SLC24A3: variants seen among roughly 807,000 people sequenced by gnomAD.
The protein encoded by SLC24A3 is sodium/potassium/calcium exchanger 3.
In SLC24A3, 28 loss-of-function variants were observed where a neutral mutation model predicts 75.8. The observed-to-expected ratio is 0.37, with a 90% confidence interval of 0.27 to 0.51. The LOEUF (loss-of-function observed/expected upper bound fraction) is 0.51. SLC24A3 is among the 20% of genes least tolerant of loss of function. SLC24A3 has a pLI of 0.94. For synonymous variants in SLC24A3, 372 were observed against 334.1 expected (o/e 1.11, Z -1.24); for missense variants, 663 against 847.8 (o/e 0.78, Z 2.71).
chr20:19,610,184 T>G (rs2031653819), intron 6 of SLC24A3, among the ~76,000 whole-genome samples: 1 of 152,230 alleles, frequency 6.6e-6, no homozygotes, highest in African/African-American at 2.4e-5. Flanking sequence ...ACTTCCTTCT[T>G]ATCATTCTCT....
chr20:19,429,703 C>A (rs1246913096), intron 2 of SLC24A3, among the ~76,000 whole-genome samples: 2 of 152,090 alleles, frequency 1.3e-5, no homozygotes, highest in Non-Finnish European at 2.9e-5. Context: ...TCTGGGCCGG[C>A]CGACTCTATA....
chr20:19,650,287 C>T (rs2032187326), intron 6 of SLC24A3, among the ~76,000 whole-genome samples: 1 of 152,142 alleles, frequency 6.6e-6, no homozygotes, highest in South Asian at 2.1e-4. Context: ...ATATCACTAT[C>T]CACCCACATT....
At chr20:19,347,576 T>A (rs539738132) in intron 2 of SLC24A3, among the ~76,000 whole-genome samples, 4 of 152,244 alleles carry the variant, frequency 2.6e-5, no homozygotes, top group East Asian at 1.9e-4. Flanking sequence ...AAGAAAAAAA[T>A]TATGTAAATT....
At chr20:19,624,163 C>T (rs2031839727) in intron 6 of SLC24A3, among the ~76,000 whole-genome samples, 3 of 152,170 alleles carry the variant, frequency 2.0e-5, no homozygotes, top group Admixed American at 6.5e-5. Context: ...TTACCTGTCA[C>T]CTGCGTTTCT....
chr20:19,383,232 A>G (rs1019832685), intron 2 of SLC24A3, among the ~76,000 whole-genome samples: 1 of 152,172 alleles, frequency 6.6e-6, no homozygotes, highest in African/African-American at 2.4e-5. Flanking sequence ...ATCACTTAAG[A>G]CAGCTGCTAT....
chr20:19,357,291 T>A (rs1223398702), intron 2 of SLC24A3, among the ~76,000 whole-genome samples: 2 of 152,198 alleles, frequency 1.3e-5, no homozygotes, highest in African/African-American at 4.8e-5. Flanking sequence ...CACCTTCGGT[T>A]TGGACTTCTG....
At position 19,559,689 on chromosome 20, in the gene SLC24A3, AT is replaced by A. The variant is rs542935385; in HGVS notation, c.349-20309del. Among the ~76,000 whole-genome samples the A allele has an allele frequency of 2.7e-4, 41 of 152,230 alleles. No homozygotes were observed. In the East Asian group the frequency reaches 7.3e-3, roughly 27 times the overall value. On this transcript the variant is annotated intron_variant, in intron 3 of 16. Coordinates refer to ENST00000328041, the MANE Select transcript of SLC24A3 (RefSeq NM_020689.4). ...CCCTTAACTCTAAATCTAGTAACAG[AT>A]TATCTTCCACCAGTTAAGTGCCCTG...
At chr20:19,593,880 C>T (rs1405613806) in intron 6 of SLC24A3, among the ~76,000 whole-genome samples, 1 of 152,206 alleles carries the variant, frequency 6.6e-6, no homozygotes, top group Non-Finnish European at 1.5e-5. Context: ...TTCTTCCGCA[C>T]TGCTGCAACA....
chr20:19,684,462 C>A, intron 11 of SLC24A3, 126 bp downstream of exon 11: 1 of 1,129,204 alleles, frequency 8.9e-7, no homozygotes, highest in Non-Finnish European at 1.2e-6. Flanking sequence ...ATCCCTCAGC[C>A]ATTTCCTAAT....
intron 2 of SLC24A3, among the ~76,000 whole-genome samples, chr20:19,357,746 G>A (rs1157731770): frequency 1.3e-5 from 2 of 152,182 alleles, no homozygotes; most frequent in Admixed American, 1.3e-4. Context: ...TTGGGGCATG[G>A]CCAGCCCTTG....
At chr20:19,523,469 G>T (rs2030141073) in intron 3 of SLC24A3, among the ~76,000 whole-genome samples, 1 of 152,226 alleles carries the variant, frequency 6.6e-6, no homozygotes. Context: ...AGTAAATTAT[G>T]TTTCCATACA....
chr20:19,417,046 C>T (rs1600472582), intron 2 of SLC24A3, among the ~76,000 whole-genome samples: 1 of 152,008 alleles, frequency 6.6e-6, no homozygotes, highest in Admixed American at 6.6e-5. Flanking sequence ...TGAAGGGTGA[C>T]AGGAAAGACA....
intron 8 of SLC24A3, among the ~76,000 whole-genome samples, chr20:19,668,085 T>TG (rs11479186): frequency 1.3e-5 from 2 of 152,038 alleles, no homozygotes; most frequent in African/African-American, 2.4e-5. Context: ...AGAATTGGCC[T>TG]GGGGGGGCCT....
At chr20:19,679,518 G>C (rs577091180) in intron 9 of SLC24A3, among the ~76,000 whole-genome samples, 2 of 147,924 alleles carry the variant, frequency 1.4e-5, no homozygotes, top group Non-Finnish European at 1.5e-5. Flanking sequence ...GGAGACCGTG[G>C]GGAGAGGGAG....
chr20:19,601,961 T>C (rs374233097), intron 6 of SLC24A3, among the ~76,000 whole-genome samples: 70 of 152,204 alleles, frequency 4.6e-4, no homozygotes, highest in African/African-American at 1.6e-3. Flanking sequence ...TCACCTGAGG[T>C]CAGGAGTTCG....
At chr20:19,397,632 CT>C (rs73617286) in intron 2 of SLC24A3, among the ~76,000 whole-genome samples, 16,629 of 130,736 alleles carry the variant, frequency 0.13, 1,450 homozygotes, top group East Asian at 0.34. Flanking sequence ...AAAGGTTGTG[CT>C]TTTTTTTTCT....
chr20:19,637,915 G>A (rs950576558), intron 6 of SLC24A3, among the ~76,000 whole-genome samples: 1 of 152,196 alleles, frequency 6.6e-6, no homozygotes, highest in Admixed American at 6.5e-5. Context: ...AGGAGTATAA[G>A]AGAATGCAGG....
chr20:19,708,299 C>T (rs1475161243), intron 15 of SLC24A3, among the ~76,000 whole-genome samples: 1 of 152,156 alleles, frequency 6.6e-6, no homozygotes, highest in East Asian at 1.9e-4. Context: ...TCCCTGAGGG[C>T]AGAAACTGTA....
At chr20:19,296,144 T>C (rs1182638726) in intron 2 of SLC24A3, among the ~76,000 whole-genome samples, 2 of 152,160 alleles carry the variant, frequency 1.3e-5, no homozygotes, top group African/African-American at 2.4e-5. Context: ...TTTATTTGCA[T>C]AGAGGTGTTT....
Sources: allele counts gnomAD v4.1 joint callset (sites outside exome capture counted in the v4.1 genomes callset), GRCh38; gene constraint gnomAD v4.1.1; transcripts MANE v1.5; gene names NCBI Gene and HGNC (gene_info 2026-07-23, HGNC 2026-07-21).